FAM83G: variants seen among roughly 807,000 people sequenced by gnomAD.
The protein encoded by FAM83G is protein FAM83G.
In FAM83G, 38 loss-of-function variants were observed where a neutral mutation model predicts 61.5. The observed-to-expected ratio is 0.62, with a 90% CI of 0.48 to 0.81. FAM83G has a LOEUF of 0.81. Ranked by LOEUF, FAM83G falls within the 30% of genes least tolerant of loss-of-function variation. The pLI is 0.00. For missense variants in FAM83G, 989 were observed against 1,133.6 expected (o/e 0.87, Z 1.83); for synonymous variants, 470 against 476.1 (o/e 0.99, Z 0.17).
At chr17:18,997,392 G>A (rs564387888) in intron 2 of FAM83G, among the ~76,000 whole-genome samples, 72 of 152,346 alleles carry the variant, frequency 4.7e-4, no homozygotes, top group African/African-American at 1.6e-3. Flanking sequence ...CCCGCTGGCC[G>A]CAAGGAGCTT....
chr17:19,002,589 C>A (rs2043758516), intron 2 of FAM83G, among the ~76,000 whole-genome samples: 1 of 152,252 alleles, frequency 6.6e-6, no homozygotes, highest in African/African-American at 2.4e-5. Flanking sequence ...GCTTCAGAAT[C>A]CTTCTCAACA....
At chr17:18,994,150 C>T (rs142387600) in intron 2 of FAM83G, among the ~76,000 whole-genome samples, 113 of 152,322 alleles carry the variant, frequency 7.4e-4, no homozygotes, top group African/African-American at 2.4e-3. Flanking sequence ...ATTCAACTTC[C>T]ACTTACAGCC....
intron 2 of FAM83G, among the ~76,000 whole-genome samples, chr17:18,989,103 T>G (rs1450938583): frequency 6.6e-6 from 1 of 152,220 alleles, no homozygotes; most frequent in Non-Finnish European, 1.5e-5. Flanking sequence ...GGACAGGGCC[T>G]GTGCCTGGGC....
Position 19,003,012 on chromosome 17 carries a change from C to T in FAM83G, c.522+508G>A, listed in dbSNP as rs1036740544. Among the ~76,000 whole-genome samples, 4 of 152,164 alleles carry T rather than the reference C, an allele frequency of 2.6e-5. No homozygotes were observed. Among genetic ancestry groups the T allele is most frequent in the African/African-American group, 9.7e-5 (4 of 41,422 alleles). ...TCAGAGAGGGTGTGCAATCTGCTCC[C>T]AGTTGCTCAGCACAGCTAGGAAACA... On this transcript the variant is annotated intron_variant, in intron 2 of 5. Coordinates refer to ENST00000388995, the MANE Select transcript of FAM83G (RefSeq NM_001039999.3). This position sits in a 1 kb window ranked among gnomAD's most constrained non-coding sequence, Gnocchi z 4.5.
At position 18,977,947 on chromosome 17, in the gene FAM83G, G is replaced by A; in HGVS notation, c.1719C>T (p.Pro573=). 6.2e-7 allele frequency: 1 copy of A among 1,604,824 alleles called. No individual in the cohort carries two copies. The highest frequency in any genetic ancestry group is 8.5e-7 in the Non-Finnish European group (1 of 1,175,360). The part of the protein sequence containing the change: ...DDPESLGVGL[P]NGLDGVEEED... ...CTTCTTCCACCCCATCCAGCCCATT[G>A]GGGAGCCCCACCCCGAGGCTCTCGG... The change falls in exon 5 of 6, where the codon CCC becomes CCT. Residue 573 remains proline, a synonymous_variant. Coordinates refer to ENST00000388995, the MANE Select transcript of FAM83G (RefSeq NM_001039999.3).
At chr17:18,998,219 C>A (rs1393414683) in intron 2 of FAM83G, among the ~76,000 whole-genome samples, 2 of 152,270 alleles carry the variant, frequency 1.3e-5, no homozygotes, top group Non-Finnish European at 2.9e-5. Context: ...CATCTTCCTC[C>A]CCAGCTGCTC....
chr17:18,985,233 A>G (rs1365373158), intron 3 of FAM83G, among the ~76,000 whole-genome samples: 3 of 152,150 alleles, frequency 2.0e-5, no homozygotes, highest in Admixed American at 2.0e-4. Flanking sequence ...GGCCTCCTTC[A>G]CTCTTCACAG....
chr17:18,992,206 G>A (rs1279484001), intron 2 of FAM83G, among the ~76,000 whole-genome samples: 2 of 152,096 alleles, frequency 1.3e-5, no homozygotes, highest in Admixed American at 6.5e-5. Flanking sequence ...TGGATCCGCC[G>A]GCCTTCTCCA....
chr17:18,984,654 C>T (rs1041929064), intron 3 of FAM83G, among the ~76,000 whole-genome samples: 22 of 152,258 alleles, frequency 1.4e-4, no homozygotes, highest in African/African-American at 5.1e-4. Context: ...TCAGATGGCC[C>T]AGGCATCTCA....
intron 5 of FAM83G, among the ~76,000 whole-genome samples, chr17:18,972,374 T>C (rs917042016): frequency 3.9e-5 from 6 of 152,160 alleles, no homozygotes; most frequent in African/African-American, 1.2e-4. Flanking sequence ...CACACAAGCC[T>C]TTCCCACGTG....
Position 18,970,519 on chromosome 17 carries a change from T to A in FAM83G, c.*840A>T. ...CCATCCCTCTCTGGACCTGTCTCCC[T>A]CTTCTCTGTGCCTCAGGGGGTGGGG... On this transcript the variant is annotated 3_prime_UTR_variant, in exon 6 of 6. Coordinates refer to ENST00000388995, the MANE Select transcript of FAM83G (RefSeq NM_001039999.3). 1 of 172,916 alleles carries A rather than the reference T, an allele frequency of 5.8e-6. No individual in the cohort carries two copies. Among genetic ancestry groups the A allele is most frequent in the South Asian group, 1.3e-4 (1 of 7,414 alleles). 10.7% of individuals were successfully genotyped at this position (172,916 alleles called of 1,614,324 possible).
chr17:19,004,589 A>C lies in FAM83G; in HGVS notation c.-129+120T>G, dbSNP rs919784086. 8.6e-5 allele frequency: 13 copies of C among 151,586 alleles called. No individual in the cohort carries two copies. The highest frequency in any genetic ancestry group is 3.2e-4 in the African/African-American group (13 of 41,236). The allele number at this position is 151,586 out of a possible 1,614,324, so 9.4% of individuals were successfully genotyped here. A position where few individuals can be genotyped will look rare whatever the true frequency, so the allele number is the denominator to read the frequency against. On this transcript the variant is annotated intron_variant, in intron 1 of 5. Transcript: ENST00000388995. This position sits in a 1 kb window ranked among gnomAD's most constrained non-coding sequence, Gnocchi z 5.4. ...AATTTCCGGGTGCCGGCAACCCAGG[A>C]GGCCTGCCCGGAGGAGGCTGGGGCT...
Position 18,978,620 on chromosome 17 carries a change from TA to T in FAM83G, c.1045del (p.Tyr349ThrfsTer28). 2 of 1,613,082 alleles carry T rather than the reference TA, an allele frequency of 1.2e-6. No individual in the cohort carries two copies. Among genetic ancestry groups the T allele is most frequent in the Non-Finnish European group, 1.7e-6 (2 of 1,179,998 alleles). On this transcript the variant is annotated frameshift_variant, in exon 5 of 6. Coordinates refer to ENST00000388995, the MANE Select transcript of FAM83G (RefSeq NM_001039999.3). LOFTEE classifies it high-confidence loss of function. ...GACGCTCTTGGCCTTGACAAGTGCG[TA>T]CTTGGGGTTGACGAGCTTCTTGGCC... ...TVAKKLVNPK[Y>X]ALVKAKSVDE... is the part of the protein sequence containing the mutation.
chr17:18,973,225 G>T (rs1180746891), intron 5 of FAM83G, among the ~76,000 whole-genome samples: 1 of 152,250 alleles, frequency 6.6e-6, no homozygotes, highest in Admixed American at 6.5e-5. Flanking sequence ...GCATGGGCTT[G>T]GCATGGCACG....
At chr17:18,999,920 C>T (rs558266016) in intron 2 of FAM83G, among the ~76,000 whole-genome samples, 1 of 152,346 alleles carries the variant, frequency 6.6e-6, no homozygotes, top group South Asian at 2.1e-4. Context: ...AGGGATCCTG[C>T]TAAGGCCCCC....
In FAM83G at chr17:19,003,721, G is replaced by A; in HGVS notation, c.321C>T (p.Val107=). Residue 107 remains valine (V), a synonymous_variant, in exon 2 of 6, where the codon GTC becomes GTT. Coordinates refer to ENST00000388995, the MANE Select transcript of FAM83G (RefSeq NM_001039999.3). This position sits in a 1 kb window ranked among gnomAD's most constrained non-coding sequence, Gnocchi z 4.5. The part of the protein sequence containing the change: ...DGEEASGADG[V]PIEAEPLPSL... ...AGGGCAGCGGCTCGGCCTCGATGGGGACCCCATCCGCCCCGCTGGCTTCCT... is the reference window on the plus strand; with the variant it reads ...AGGGCAGCGGCTCGGCCTCGATGGGAACCCCATCCGCCCCGCTGGCTTCCT... 2 of 1,605,262 alleles carry A rather than the reference G, an allele frequency of 1.2e-6. No homozygotes were observed. Among genetic ancestry groups the A allele is most frequent in the Non-Finnish European group, 1.7e-6 (2 of 1,175,880 alleles).
In FAM83G at chr17:18,969,494, C is replaced by A; in HGVS notation, c.*1865G>T. Reference sequence around the variant, plus strand: ...CCCTTTGGAGTCTGGCACTGCCCGGCACTGTGCAGGATTCATGCCGTTGGG... The same window carrying A: ...CCCTTTGGAGTCTGGCACTGCCCGGAACTGTGCAGGATTCATGCCGTTGGG... On this transcript the variant is annotated 3_prime_UTR_variant, in exon 6 of 6. Coordinates refer to ENST00000388995, the MANE Select transcript of FAM83G (RefSeq NM_001039999.3). 7.1e-7 allele frequency: 1 copy of A among 1,414,930 alleles called. No individual in the cohort carries two copies. The highest frequency in any genetic ancestry group is 1.4e-5 in the African/African-American group (1 of 71,158). 87.6% of individuals were successfully genotyped at this position (1,414,930 alleles called of 1,614,324 possible).
chr17:18,996,426 G>T lies in FAM83G; in HGVS notation c.522+7094C>A, dbSNP rs1363055235. Among the ~76,000 whole-genome samples the T allele has an allele frequency of 6.6e-6, 1 of 152,114 alleles. No homozygotes were observed. Among genetic ancestry groups the T allele is most frequent in the Non-Finnish European group, 1.5e-5 (1 of 68,024 alleles). On this transcript the variant is annotated intron_variant, in intron 2 of 5. Coordinates refer to ENST00000388995, the MANE Select transcript of FAM83G (RefSeq NM_001039999.3). This position sits in a 1 kb window ranked among gnomAD's most constrained non-coding sequence, Gnocchi z 4.4. ...ATGCCATCTGAAGAGGCCCAAGAAGGTTCTCTGGGTTAGGAAGTTCTCCTA... is the reference window on the plus strand; with the variant it reads ...ATGCCATCTGAAGAGGCCCAAGAAGTTTCTCTGGGTTAGGAAGTTCTCCTA...
At chr17:18,992,052 G>T (rs1243732255) in intron 2 of FAM83G, among the ~76,000 whole-genome samples, 1 of 152,146 alleles carries the variant, frequency 6.6e-6, no homozygotes, top group African/African-American at 2.4e-5. Flanking sequence ...GCGAGCCTGC[G>T]CCTGCCCCAG....
Sources: allele counts gnomAD v4.1 joint callset (sites outside exome capture counted in the v4.1 genomes callset), GRCh38; gene constraint gnomAD v4.1.1; non-coding constraint Gnocchi (gnomAD v3.1); transcripts MANE v1.5; gene names NCBI Gene and HGNC (gene_info 2026-07-23, HGNC 2026-07-21).